The following FLRT2 variants were observed in gnomAD, a reference collection of about 807,000 sequenced individuals.
FLRT2 encodes leucine-rich repeat transmembrane protein FLRT2.
FLRT2 carries 15 observed loss-of-function variants against 40.0 expected under a neutral mutation model. The observed-to-expected ratio is 0.38, with a 90% CI of 0.25 to 0.58. The LOEUF (loss-of-function observed/expected upper bound fraction) is 0.58. Among genes scored for constraint, FLRT2 ranks in the 20% least tolerant of loss-of-function variants. The pLI is 0.71. For missense variants in FLRT2, 726 were observed against 840.0 expected (o/e 0.86, Z 1.68); for synonymous variants, 380 against 336.8 (o/e 1.13, Z -1.41).
intron 1 of FLRT2, among the ~76,000 whole-genome samples, chr14:85,594,013 G>A (rs1892022620): frequency 6.6e-6 from 1 of 152,040 alleles, no homozygotes; most frequent in South Asian, 2.1e-4. Flanking sequence ...CTGCACTGCA[G>A]TCTAGGTGAC....
intron 1 of FLRT2, among the ~76,000 whole-genome samples, chr14:85,612,633 C>T (rs183468856): frequency 7.7e-4 from 118 of 152,278 alleles, no homozygotes; most frequent in African/African-American, 2.8e-3. Flanking sequence ...CTTATCCCCT[C>T]TTGTTCCTCA....
At chr14:85,539,194 C>T (rs914964584) in intron 1 of FLRT2, among the ~76,000 whole-genome samples, 1 of 151,892 alleles carries the variant, frequency 6.6e-6, no homozygotes. Flanking sequence ...TGAATTTATA[C>T]AGGAAAGTCC....
At chr14:85,590,490 A>C (rs549799886) in intron 1 of FLRT2, among the ~76,000 whole-genome samples, 1 of 152,318 alleles carries the variant, frequency 6.6e-6, no homozygotes, top group African/African-American at 2.4e-5. Flanking sequence ...TGGGTATAGT[A>C]AATTAAATCT....
chr14:85,597,082 A>G (rs1264976889), intron 1 of FLRT2, among the ~76,000 whole-genome samples: 2 of 152,218 alleles, frequency 1.3e-5, no homozygotes, highest in Non-Finnish European at 2.9e-5. Context: ...TAAATATGAC[A>G]TAAGGCTTTG....
chr14:85,587,863 T>C (rs1023944434), intron 1 of FLRT2, among the ~76,000 whole-genome samples: 1 of 152,200 alleles, frequency 6.6e-6, no homozygotes, highest in Non-Finnish European at 1.5e-5. Context: ...GTTAGTAAGA[T>C]GTCTGGAACT....
rs1211844355 is a variant in FLRT2, at chr14:85,636,977, G to T, written c.*13480G>T. 1 of 113,412 alleles carries T rather than the reference G, an allele frequency of 8.8e-6. No individual in the cohort carries two copies. Among genetic ancestry groups the T allele is most frequent in the African/African-American group, 3.3e-5 (1 of 30,554 alleles). 7.0% of individuals were successfully genotyped at this position (113,412 alleles called of 1,614,324 possible). ...AAAGAGAGAGACTAACATTCTAACA[G>T]ACAAAACAAAAACAAAAAACAAAAA... On this transcript the variant is annotated 3_prime_UTR_variant, in exon 2 of 2. Transcript: ENST00000330753.
At chr14:85,608,531 G>T (rs1173488444) in intron 1 of FLRT2, among the ~76,000 whole-genome samples, 2 of 152,182 alleles carry the variant, frequency 1.3e-5, no homozygotes, top group Non-Finnish European at 2.9e-5. Context: ...ACCTTGCCCA[G>T]CTGATAAATG....
At chr14:85,575,806 A>G (rs992587587) in intron 1 of FLRT2, among the ~76,000 whole-genome samples, 45 of 152,356 alleles carry the variant, frequency 3.0e-4, no homozygotes, top group African/African-American at 1.0e-3. Context: ...GTCTACAGCT[A>G]AATGCCTTCA....
At chr14:85,547,744 G>T (rs1889365374) in intron 1 of FLRT2, among the ~76,000 whole-genome samples, 1 of 152,130 alleles carries the variant, frequency 6.6e-6, no homozygotes, top group African/African-American at 2.4e-5. Flanking sequence ...CCATGACACA[G>T]CCTCAGGAGG....
intron 1 of FLRT2, among the ~76,000 whole-genome samples, chr14:85,574,527 G>T (rs2139866043): frequency 6.6e-6 from 1 of 152,176 alleles, no homozygotes; most frequent in African/African-American, 2.4e-5. Flanking sequence ...AATGTATTGA[G>T]TCCTTTTGAG....
At chr14:85,542,088 T>C (rs1169838248) in intron 1 of FLRT2, among the ~76,000 whole-genome samples, 2 of 152,342 alleles carry the variant, frequency 1.3e-5, no homozygotes, top group African/African-American at 4.8e-5. Flanking sequence ...TCTATCCTTA[T>C]AGAATGATTA....
chr14:85,595,813 A>G (rs1032749849), intron 1 of FLRT2, among the ~76,000 whole-genome samples: 2 of 152,204 alleles, frequency 1.3e-5, no homozygotes, highest in Non-Finnish European at 2.9e-5. Flanking sequence ...TAACAGACCC[A>G]GTGGGAAAAC....
At chr14:85,539,861 G>C (rs886505491) in intron 1 of FLRT2, among the ~76,000 whole-genome samples, 2 of 152,122 alleles carry the variant, frequency 1.3e-5, no homozygotes, top group African/African-American at 4.8e-5. Flanking sequence ...TCGCTCTTAC[G>C]GCCTCAAGAG....
intron 1 of FLRT2, among the ~76,000 whole-genome samples, chr14:85,585,924 CT>C (rs764549772): frequency 6.6e-6 from 1 of 151,264 alleles, no homozygotes; most frequent in African/African-American, 2.4e-5. Flanking sequence ...TGATAATTTA[CT>C]TCTTTGATAT....
Position 85,622,171 on chromosome 14 carries a change from G to A in FLRT2, c.657G>A (p.Lys219=), listed in dbSNP as rs149714285. 1.2e-6 allele frequency: 2 copies of A among 1,614,142 alleles called. No individual in the cohort carries two copies. The highest frequency in any genetic ancestry group is 1.7e-6 in the Non-Finnish European group (2 of 1,180,032). ...TGGACGGGAACCTCCTGACCAACAA[G>A]GGTATCGCCGAGGGCACCTTCAGCC... The part of the protein sequence containing the change: ...LIVDGNLLTN[K]GIAEGTFSHL... The change falls in exon 2 of 2, where the codon AAG becomes AAA. Residue 219 remains lysine, a synonymous_variant. Coordinates refer to ENST00000330753, the MANE Select transcript of FLRT2 (RefSeq NM_013231.6).
intron 1 of FLRT2, among the ~76,000 whole-genome samples, chr14:85,605,745 A>C (rs1245459108): frequency 6.6e-6 from 1 of 152,200 alleles, no homozygotes; most frequent in Non-Finnish European, 1.5e-5. Flanking sequence ...CAGCCTGGGC[A>C]ACAGAGCAAG....
In FLRT2 at chr14:85,639,667, A is replaced by T. The variant is rs931947491; in HGVS notation, c.*16170A>T. ...TTTATATTTATAGACTATTGATATT[A>T]TTATGTGCATTACCCATTTTAAAGA... On this transcript the variant is annotated 3_prime_UTR_variant, in exon 2 of 2. Transcript: ENST00000330753. 10 of 151,972 alleles carry T rather than the reference A, an allele frequency of 6.6e-5. No individual in the cohort carries two copies. Among genetic ancestry groups the T allele is most frequent in the African/African-American group, 2.2e-4 (9 of 41,372 alleles). The allele number at this position is 151,972 out of a possible 1,614,324, so 9.4% of individuals were successfully genotyped here.
At chr14:85,607,650 G>A (rs1285561740) in intron 1 of FLRT2, among the ~76,000 whole-genome samples, 1 of 152,174 alleles carries the variant, frequency 6.6e-6, no homozygotes, top group Non-Finnish European at 1.5e-5. Context: ...ACAAGTTTTT[G>A]CTTTGCAGTC....
chr14:85,607,967 T>C (rs1264365697), intron 1 of FLRT2, among the ~76,000 whole-genome samples: 1 of 143,776 alleles, frequency 7.0e-6, no homozygotes, highest in East Asian at 1.9e-4. Context: ...CCATCTTCTC[T>C]TCTCTTGGGT....
Sources: allele counts gnomAD v4.1 joint callset (sites outside exome capture counted in the v4.1 genomes callset), GRCh38; gene constraint gnomAD v4.1.1; transcripts MANE v1.5; gene names NCBI Gene and HGNC (gene_info 2026-07-23, HGNC 2026-07-21).